NAA16: variants seen among roughly 807,000 people sequenced by gnomAD.
NAA16 encodes the protein NARG1-like protein.
A neutral mutation model predicts 110.3 loss-of-function variants in NAA16; 97 were observed. The ratio of observed to expected loss-of-function variants is 0.88; its 90% CI spans 0.75 to 1.04. The LOEUF (loss-of-function observed/expected upper bound fraction) is 1.04. Among genes scored for constraint, NAA16 ranks in the 50% least tolerant of loss-of-function variants. NAA16 has a pLI of 0.00. For missense variants in NAA16, 1,017 were observed against 1,005.1 expected, an observed-to-expected ratio of 1.01 and a Z score of -0.16; for synonymous variants, 372 against 330.6, an observed-to-expected ratio of 1.13 and a Z score of -1.36.
intron 15 of NAA16, 45 bp from the exon 16 acceptor site, chr13:41,372,158 T>G: frequency 7.2e-7 from 1 of 1,397,918 alleles, no homozygotes; most frequent in Non-Finnish European, 9.7e-7. Context: ...AAATTTGACT[T>G]GTTCTGATGT....
At chr13:41,372,617 C>G (rs905364777) in intron 16 of NAA16, 115 bp from the exon 17 acceptor site, 11 of 1,337,646 alleles carry the variant, frequency 8.2e-6, no homozygotes, top group Non-Finnish European at 9.6e-6. Context: ...ATTTTGCTTA[C>G]GAGTGTTATA....
chr13:41,311,449 TC>T lies in NAA16; in HGVS notation c.-77del. On this transcript the variant is annotated 5_prime_UTR_variant, in exon 1 of 20. Coordinates refer to ENST00000379406, the MANE Select transcript of NAA16 (RefSeq NM_024561.5). ...CAGCCCGACTCTCAGCAGCGGTTCGTCCCGGTGCCCACCCCCGCGAAGCGGA... is the reference window on the plus strand; with the variant it reads ...CAGCCCGACTCTCAGCAGCGGTTCGTCCGGTGCCCACCCCCGCGAAGCGGA... 1 of 1,400,506 alleles carries T rather than the reference TC, an allele frequency of 7.1e-7. No individual in the cohort carries two copies. Among genetic ancestry groups the T allele is most frequent in the East Asian group, 2.5e-5 (1 of 40,226 alleles). The allele number at this position is 1,400,506 out of a possible 1,614,324, so 86.8% of individuals were successfully genotyped here. A position where few individuals can be genotyped will look rare whatever the true frequency, so the allele number is the denominator to read the frequency against.
At chr13:41,372,168 T>C in intron 15 of NAA16, 35 bp from the exon 16 acceptor site, 1 of 1,458,506 alleles carries the variant, frequency 6.9e-7, no homozygotes, top group Non-Finnish European at 9.3e-7. Flanking sequence ...TGTTCTGATG[T>C]TTTTTAAATA....
chr13:41,361,817 C>T (rs944484819), intron 12 of NAA16, among the ~76,000 whole-genome samples: 1 of 152,138 alleles, frequency 6.6e-6, no homozygotes, highest in African/African-American at 2.4e-5. Flanking sequence ...ATCTTTAGAC[C>T]ATGGTCGACT....
At position 41,367,475 on chromosome 13, in the gene NAA16, C is replaced by G. The variant is rs1225875908; in HGVS notation, c.1576C>G (p.His526Asp). 2 of 1,612,066 alleles carry G rather than the reference C, an allele frequency of 1.2e-6. No homozygotes were observed. The highest frequency in any genetic ancestry group is 2.2e-5 in the South Asian group (2 of 90,896). Residue 526 changes from histidine (H) to aspartate (D), a missense_variant, in exon 14 of 20, where the codon CAT (histidine) becomes GAT (aspartate). Physicochemically the swap from His to Asp is moderately conservative, Grantham distance 81. Coordinates refer to ENST00000379406, the MANE Select transcript of NAA16 (RefSeq NM_024561.5). ...GATAACTGATGACCAATTCGACTTC[C>G]ATACATACTGCATGAGAAAGATGAC... ...FEITDDQFDF[H>D]TYCMRKMTLR...
intron 9 of NAA16, among the ~76,000 whole-genome samples, chr13:41,339,633 CT>C (rs1339860271): frequency 6.6e-6 from 1 of 152,100 alleles, no homozygotes; most frequent in Non-Finnish European, 1.5e-5. Context: ...TCTCGGCTCA[CT>C]GCAACCTCCG....
At position 41,320,756 on chromosome 13, in the gene NAA16, G is replaced by T. The variant is rs1194723376; in HGVS notation, c.334G>T (p.Asp112Tyr). ...CYRNALKLDK[D>Y]NLQILRDLSL... is the part of the protein sequence containing the mutation. Reference sequence around the variant, plus strand: ...CCGAAATGCCCTCAAATTAGATAAAGATAACCTGCAAATTTTGAGGGATCT... The same window carrying T: ...CCGAAATGCCCTCAAATTAGATAAATATAACCTGCAAATTTTGAGGGATCT... Residue 112 changes from aspartate to tyrosine, a missense_variant, in exon 4 of 20, where the codon GAT becomes TAT. Asp to Tyr is a radical substitution (Grantham distance 160). Transcript: ENST00000379406. 5.0e-6 allele frequency: 8 copies of T among 1,613,192 alleles called. No individual in the cohort carries two copies. Among genetic ancestry groups the T allele is most frequent in the Non-Finnish European group, 6.8e-6 (8 of 1,179,886 alleles).
At position 41,372,400 on chromosome 13, in the gene NAA16, T is replaced by G; in HGVS notation, c.2056+89T>G. 3 of 1,395,298 alleles carry G rather than the reference T, an allele frequency of 2.2e-6. No individual in the cohort carries two copies. In the South Asian group the frequency reaches 5.5e-5, roughly 25 times the overall value. 86.4% of individuals were successfully genotyped at this position (1,395,298 alleles called of 1,614,324 possible). ...TCTTTGTCAGATCTATTTTTGTTTC[T>G]TAGATTTTCATTTTAGCCTTCTACA... On this transcript the variant is annotated intron_variant, in intron 16 of 19. Coordinates refer to ENST00000379406, the MANE Select transcript of NAA16 (RefSeq NM_024561.5).
chr13:41,325,907 A>G (rs2042082001), intron 6 of NAA16, 56 bp downstream of exon 6: 1 of 1,410,156 alleles, frequency 7.1e-7, no homozygotes, highest in Non-Finnish European at 9.7e-7. Flanking sequence ...AAAACTATAT[A>G]TTTTATTCTC....
rs528840599 is a variant in NAA16 at position 41,346,920 on chromosome 13, T to C, written c.1015-8224T>C. 3.3e-5 allele frequency among the ~76,000 whole-genome samples: 5 copies of C among 152,196 alleles called. No individual in the cohort carries two copies. The South Asian group carries it at 1.0e-3, about 32-fold the overall frequency. ...CTTACTGTAGCAGTGTGGTAAGTTT[T>C]GAAATTAGGAAGTGTGAGCCGGGCG... On this transcript the variant is annotated intron_variant, in intron 9 of 19. Coordinates refer to ENST00000379406, the MANE Select transcript of NAA16 (RefSeq NM_024561.5).
At position 41,375,544 on chromosome 13, in the gene NAA16, A is replaced by G. The variant is rs772673360; in HGVS notation, c.2537A>G (p.Asn846Ser). 5.6e-6 allele frequency: 9 copies of G among 1,614,106 alleles called. No homozygotes were observed. Among genetic ancestry groups the G allele is most frequent in the South Asian group, 3.3e-5 (3 of 91,080 alleles). Reference sequence around the variant, plus strand: ...TTGCCTGCTGTGAATGAAGTCGACAATCCTAATGTGGCACTGAACCATACA... The same window carrying G: ...TTGCCTGCTGTGAATGAAGTCGACAGTCCTAATGTGGCACTGAACCATACA... ...AFLPAVNEVD[N>S]PNVALNHTAN... is the part of the protein sequence containing the mutation. The change falls in exon 20 of 20, where the codon AAT becomes AGT. Residue 846 changes from asparagine (N) to serine (S), a missense_variant. Physicochemically the swap from Asn to Ser is conservative, Grantham distance 46. Coordinates refer to ENST00000379406, the MANE Select transcript of NAA16 (RefSeq NM_024561.5).
rs1359030121 is a variant in NAA16, at chr13:41,372,848, C to T, written c.2155+18C>T. 1 of 1,503,992 alleles carries T rather than the reference C, an allele frequency of 6.6e-7. No homozygotes were observed. Among genetic ancestry groups the T allele is most frequent in the Non-Finnish European group, 9.0e-7 (1 of 1,117,132 alleles). 93.2% of individuals were successfully genotyped at this position (1,503,992 alleles called of 1,614,324 possible). A position where few individuals can be genotyped will look rare whatever the true frequency, so the allele number is the denominator to read the frequency against. ...TAAATCTGGTAAGTATAAAAAAGGACCATATTTACATTTGTGAATTATTTC... is the reference window on the plus strand; with the variant it reads ...TAAATCTGGTAAGTATAAAAAAGGATCATATTTACATTTGTGAATTATTTC... On this transcript the variant is annotated intron_variant, in intron 17 of 19. Transcript: ENST00000379406.
rs1048037281 is a variant in NAA16, at chr13:41,311,430, G to A, written c.-99G>A. ...TGAACTAATCCATCGCCCGCAGCCCGACTCTCAGCAGCGGTTCGTCCCGGT... is the reference window on the plus strand; with the variant it reads ...TGAACTAATCCATCGCCCGCAGCCCAACTCTCAGCAGCGGTTCGTCCCGGT... On this transcript the variant is annotated 5_prime_UTR_variant, in exon 1 of 20. Coordinates refer to ENST00000379406, the MANE Select transcript of NAA16 (RefSeq NM_024561.5). 10 of 1,178,652 alleles carry A rather than the reference G, an allele frequency of 8.5e-6. No individual in the cohort carries two copies. The highest frequency in any genetic ancestry group is 1.1e-5 in the Non-Finnish European group (9 of 818,734). The allele number at this position is 1,178,652 out of a possible 1,614,324, so 73.0% of individuals were successfully genotyped here.
chr13:41,359,975 G>T (rs1330649309), intron 12 of NAA16, among the ~76,000 whole-genome samples: 1 of 152,102 alleles, frequency 6.6e-6, no homozygotes, highest in Admixed American at 6.6e-5. Context: ...ACTGAGGTGG[G>T]CATGGTGGCA....
intron 2 of NAA16, 152 bp from the exon 3 acceptor site, chr13:41,318,654 T>G: frequency 2.4e-6 from 1 of 411,828 alleles, no homozygotes; most frequent in Non-Finnish European, 4.2e-6. Context: ...TAGTTTTACT[T>G]TTTCTACTTG....
At chr13:41,312,175 C>T (rs1413799506) in intron 1 of NAA16, among the ~76,000 whole-genome samples, 1 of 152,314 alleles carries the variant, frequency 6.6e-6, no homozygotes, top group East Asian at 1.9e-4. Flanking sequence ...CCTTATTTAC[C>T]TCTTTGGAAG....
intron 8 of NAA16, among the ~76,000 whole-genome samples, chr13:41,336,168 AAAAT>A (rs2042376602): frequency 6.8e-6 from 1 of 147,234 alleles, no homozygotes; most frequent in Admixed American, 6.6e-5. Flanking sequence ...TATTTAAAAA[AAAAT>A]TTTTTTTTTT....
chr13:41,369,210 A>G lies in NAA16; in HGVS notation c.1874A>G (p.Lys625Arg), dbSNP rs1210314678. ...AGAGAACGTCAACAGAAAAATCAAA[A>G]GAAAAAAAGAGATGAAGAAGAAGAA... ...AERERQQKNQ[K>R]KKRDEEEEEA... Residue 625 changes from lysine (K) to arginine (R), a missense_variant, in exon 15 of 20, where the codon AAG becomes AGG. Physicochemically the swap from Lys to Arg is conservative, Grantham distance 26. Transcript: ENST00000379406. 6.3e-7 allele frequency: 1 copy of G among 1,598,350 alleles called. No individual in the cohort carries two copies. Among genetic ancestry groups the G allele is most frequent in the African/African-American group, 1.4e-5 (1 of 73,810 alleles).
chr13:41,328,962 G>A, intron 7 of NAA16, 119 bp downstream of exon 7: 2 of 852,250 alleles, frequency 2.3e-6, no homozygotes, highest in South Asian at 3.1e-5. Context: ...TTTCCATTTA[G>A]TAAAATTATA....
Sources: allele counts gnomAD v4.1 joint callset (sites outside exome capture counted in the v4.1 genomes callset), GRCh38; gene constraint gnomAD v4.1.1; transcripts MANE v1.5; gene names NCBI Gene and HGNC (gene_info 2026-07-23, HGNC 2026-07-21).